Variants in ITPR2 observed in about 807,000 individuals in gnomAD.
The protein encoded by ITPR2 is inositol 1,4,5-trisphosphate receptor type 2, also known as inositol 1,4,5-trisphosphate-gated calcium channel ITPR2.
ITPR2 carries 207 observed loss-of-function variants against 317.1 expected under a neutral mutation model. That is an observed-to-expected ratio of 0.65 (90% confidence interval 0.58 to 0.73). ITPR2 has a LOEUF of 0.73. Ranked by LOEUF, ITPR2 falls within the 30% of genes least tolerant of loss-of-function variation. The pLI, the probability that ITPR2 is intolerant of heterozygous loss-of-function variation, is 0.00. For synonymous variants in ITPR2, 1,156 were observed against 1,149.1 expected (o/e 1.01, Z -0.12); for missense variants, 2,613 against 3,284.0 (o/e 0.80, Z 4.99).
chr12:26,831,851 A>C lies in ITPR2; in HGVS notation c.92+839T>G, dbSNP rs571088034. On this transcript the variant is annotated intron_variant, in intron 1 of 56. Coordinates refer to ENST00000381340, the MANE Select transcript of ITPR2 (RefSeq NM_002223.4). This position sits in a 1 kb window ranked among gnomAD's most constrained non-coding sequence, Gnocchi z 4.9. ...TACATAAAATATATAAATATATATTATACATAAAATATATAAATATATTAA... is the reference window on the plus strand; with the variant it reads ...TACATAAAATATATAAATATATATTCTACATAAAATATATAAATATATTAA... Among the ~76,000 whole-genome samples, 3 of 145,298 alleles carry C rather than the reference A, an allele frequency of 2.1e-5. No homozygotes were observed. The highest frequency in any genetic ancestry group is 2.0e-4 in the East Asian group (1 of 5,128).
intron 37 of ITPR2, among the ~76,000 whole-genome samples, chr12:26,544,479 G>C (rs1348911276): frequency 6.6e-6 from 1 of 151,722 alleles, no homozygotes; most frequent in Non-Finnish European, 1.5e-5. Flanking sequence ...CCAGGGTTGA[G>C]AATTGCTTTA....
chr12:26,359,299 G>A (rs1938746063), intron 55 of ITPR2, among the ~76,000 whole-genome samples: 1 of 152,210 alleles, frequency 6.6e-6, no homozygotes, highest in Non-Finnish European at 1.5e-5. Context: ...TCCCGTGCTG[G>A]AAAGGTCTGT....
chr12:26,592,057 C>A (rs1284892397), intron 32 of ITPR2, among the ~76,000 whole-genome samples: 1 of 152,164 alleles, frequency 6.6e-6, no homozygotes, highest in East Asian at 1.9e-4. Flanking sequence ...CAACAGAGTA[C>A]TATTCAGCCA....
At chr12:26,613,204 A>G (rs1313894924) in intron 26 of ITPR2, among the ~76,000 whole-genome samples, 4 of 152,200 alleles carry the variant, frequency 2.6e-5, no homozygotes, top group African/African-American at 9.7e-5. Context: ...ATTTGAAAGA[A>G]AGATTTTACT....
rs113049432 is a variant in ITPR2 at position 26,557,011 on chromosome 12, G to A, written c.4822-636C>T. ...GGAGAATCACCTGAGCCTGGGAGGC[G>A]GAGGTTGCAGTGACGCAATATAGCA... On this transcript the variant is annotated intron_variant, in intron 35 of 56. Coordinates refer to ENST00000381340, the MANE Select transcript of ITPR2 (RefSeq NM_002223.4). Among the ~76,000 whole-genome samples the A allele has an allele frequency of 5.3e-5, 8 of 151,996 alleles. No homozygotes were observed. In the East Asian group the frequency reaches 9.7e-4, roughly 18 times the overall value.
chr12:26,474,037 T>C (rs1026870241), intron 45 of ITPR2, among the ~76,000 whole-genome samples: 1 of 152,252 alleles, frequency 6.6e-6, no homozygotes, highest in Non-Finnish European at 1.5e-5. Context: ...CTTTTGTTAG[T>C]ATCTTTTAGA....
At chr12:26,478,039 G>A (rs1942456784) in intron 43 of ITPR2, among the ~76,000 whole-genome samples, 1 of 152,054 alleles carries the variant, frequency 6.6e-6, no homozygotes. Context: ...ACATATCATA[G>A]AATGAAAATT....
intron 32 of ITPR2, among the ~76,000 whole-genome samples, chr12:26,591,013 G>C (rs891578990): frequency 2.0e-5 from 3 of 147,430 alleles, no homozygotes; most frequent in Non-Finnish European, 4.5e-5. Flanking sequence ...CCAGGAGGCA[G>C]GTGTTGCAGT....
At chr12:26,583,861 C>G (rs1214347643) in intron 32 of ITPR2, among the ~76,000 whole-genome samples, 1 of 151,962 alleles carries the variant, frequency 6.6e-6, no homozygotes, top group Non-Finnish European at 1.5e-5. Context: ...TTGAAACAAC[C>G]AAGTCGACCA....
At chr12:26,745,819 T>C (rs556605324) in intron 2 of ITPR2, among the ~76,000 whole-genome samples, 6 of 152,172 alleles carry the variant, frequency 3.9e-5, no homozygotes, top group Non-Finnish European at 8.8e-5. Flanking sequence ...AGTCCCATGA[T>C]TGAGCACACT....
At chr12:26,508,345 T>C (rs772173925) in intron 37 of ITPR2, among the ~76,000 whole-genome samples, 6 of 152,210 alleles carry the variant, frequency 3.9e-5, no homozygotes, top group Non-Finnish European at 5.9e-5. Context: ...GGCATCACTA[T>C]TATACCTGTT....
At chr12:26,379,087 T>C (rs1021162025) in intron 55 of ITPR2, among the ~76,000 whole-genome samples, 1 of 152,222 alleles carries the variant, frequency 6.6e-6, no homozygotes, top group Admixed American at 6.5e-5. Context: ...CTAATAGACA[T>C]TTATTGACCA....
intron 54 of ITPR2, among the ~76,000 whole-genome samples, chr12:26,392,477 G>A (rs761034261): frequency 9.2e-5 from 14 of 152,044 alleles, no homozygotes; most frequent in Non-Finnish European, 1.9e-4. Flanking sequence ...TTGATCTTCT[G>A]GGCCCACAAC....
chr12:26,596,646 C>CAAAA (rs35579016), intron 31 of ITPR2, among the ~76,000 whole-genome samples: 2 of 87,436 alleles, frequency 2.3e-5, no homozygotes, highest in African/African-American at 4.5e-5. Flanking sequence ...AACTCTGTCT[C>CAAAA]AAAAAAAAAA....
At chr12:26,644,402 G>A (rs1333038467) in intron 21 of ITPR2, among the ~76,000 whole-genome samples, 1 of 152,146 alleles carries the variant, frequency 6.6e-6, no homozygotes, top group Non-Finnish European at 1.5e-5. Context: ...ACCAGAAGCA[G>A]GCTCTCACCA....
At chr12:26,443,765 C>T (rs1941545067) in intron 45 of ITPR2, 115 bp from the exon 46 acceptor site, 6 of 624,282 alleles carry the variant, frequency 9.6e-6, no homozygotes, top group Non-Finnish European at 1.7e-5. Context: ...GGGTTAAGGA[C>T]AATTAGTTAC....
intron 13 of ITPR2, among the ~76,000 whole-genome samples, chr12:26,668,899 T>C (rs1252297854): frequency 1.3e-5 from 2 of 151,976 alleles, no homozygotes; most frequent in Non-Finnish European, 1.5e-5. Flanking sequence ...GGCAGGGGGA[T>C]TGCTTGAGCC....
intron 26 of ITPR2, among the ~76,000 whole-genome samples, chr12:26,619,757 T>C (rs1351404404): frequency 6.6e-6 from 1 of 152,172 alleles, no homozygotes; most frequent in African/African-American, 2.4e-5. Context: ...GTAAGTAATA[T>C]GTCATTTTAT....
At chr12:26,374,623 C>T (rs1939285928) in intron 55 of ITPR2, among the ~76,000 whole-genome samples, 1 of 152,188 alleles carries the variant, frequency 6.6e-6, no homozygotes. Context: ...TGAACAGTAA[C>T]TGTGAGCCAG....
Sources: allele counts gnomAD v4.1 joint callset (sites outside exome capture counted in the v4.1 genomes callset), GRCh38; gene constraint gnomAD v4.1.1; non-coding constraint Gnocchi (gnomAD v3.1); transcripts MANE v1.5; gene names NCBI Gene and HGNC (gene_info 2026-07-23, HGNC 2026-07-21).